TENM3: variants seen among roughly 807,000 people sequenced by gnomAD.
TENM3 encodes the protein teneurin-3.
TENM3 carries 63 observed loss-of-function variants against 255.1 expected under a neutral mutation model. The ratio of observed to expected loss-of-function variants is 0.25; its 90% CI spans 0.20 to 0.30. TENM3 has a LOEUF of 0.30. TENM3 is among the 10% of genes least tolerant of loss of function. The probability of loss-of-function intolerance (pLI) is 1.00; values close to 1 mark genes in which losing one functional copy is unlikely to be tolerated. For missense variants in TENM3, 2,929 were observed against 3,461.1 expected (o/e 0.85, Z 3.86); for synonymous variants, 1,306 against 1,322.3 (o/e 0.99, Z 0.27).
At chr4:181,781,314 G>C in the TENM3 span, among the ~76,000 whole-genome samples, 1 of 152,110 alleles carries the variant, frequency 6.6e-6, no homozygotes, top group African/African-American at 2.4e-5. Context: ...GTGGTTTGTA[G>C]TTCTCCTTGA....
Position 182,754,056 on chromosome 4 carries a change from C to T in TENM3, c.4018-329C>T, listed in dbSNP as rs1161821875. Among the ~76,000 whole-genome samples the T allele has an allele frequency of 6.6e-6, 1 of 152,114 alleles. No individual in the cohort carries two copies. Among genetic ancestry groups the T allele is most frequent in the Non-Finnish European group, 1.5e-5 (1 of 68,024 alleles). On this transcript the variant is annotated intron_variant, in intron 21 of 27. Transcript: ENST00000511685. The surrounding 1 kb of genome is among the most constrained non-coding windows in gnomAD (Gnocchi z 5.1). ...CTAATCTATTCATAACCTAGAAAGC[C>T]CCAACATTTGGTGGTTATTGCTGCC...
chr4:182,773,931 T>C (rs763089373), intron 23 of TENM3: 11 of 245,492 alleles, frequency 4.5e-5, no homozygotes, highest in Non-Finnish European at 7.0e-5. Context: ...CAGGCGATTT[T>C]TGCATCACCT....
the TENM3 span, among the ~76,000 whole-genome samples, chr4:181,568,926 A>G: frequency 0.18 from 27,354 of 152,094 alleles, 2,888 homozygotes; most frequent in African/African-American, 0.31. Flanking sequence ...GGTAGGGATT[A>G]TTGTCTGTTC....
chr4:182,800,246 G>A lies in TENM3; in HGVS notation c.7995G>A (p.Gln2665=), dbSNP rs1172299680. The A allele has an allele frequency of 6.3e-7, 1 of 1,593,776 alleles. No homozygotes were observed. Among genetic ancestry groups the A allele is most frequent in the South Asian group, 1.1e-5 (1 of 90,178 alleles). ...KRQLLSAGKV[Q]GYDGYYVLSV... ...AGCTGCTGAGCGCCGGCAAGGTGCA[G>A]GGCTACGACGGGTACTACGTACTCT... The change falls in exon 28 of 28, where the codon CAG becomes CAA. Residue 2665 remains glutamine (Q), a synonymous_variant. Coordinates refer to ENST00000511685, the MANE Select transcript of TENM3 (RefSeq NM_001080477.4).
chr4:181,959,380 C>A, the TENM3 span, among the ~76,000 whole-genome samples: 1 of 152,152 alleles, frequency 6.6e-6, no homozygotes, highest in Non-Finnish European at 1.5e-5. Flanking sequence ...AACCACGTAG[C>A]TCCAGTGTCT....
intron 3 of TENM3, among the ~76,000 whole-genome samples, chr4:182,579,438 T>G (rs1379975434): frequency 6.6e-6 from 1 of 152,016 alleles, no homozygotes; most frequent in African/African-American, 2.4e-5. Context: ...GATCAAAGAA[T>G]CAAAGAGCAA....
At chr4:182,715,770 C>G (rs1385052944) in intron 13 of TENM3, among the ~76,000 whole-genome samples, 1 of 152,160 alleles carries the variant, frequency 6.6e-6, no homozygotes, top group Non-Finnish European at 1.5e-5. Flanking sequence ...CACACACACA[C>G]AGAGACACAC....
At chr4:182,125,840 A>C in the TENM3 span, among the ~76,000 whole-genome samples, 2 of 152,066 alleles carry the variant, frequency 1.3e-5, no homozygotes, top group Non-Finnish European at 2.9e-5. Flanking sequence ...CATAGGGGCC[A>C]AAAATAAATG....
intron 1 of TENM3, among the ~76,000 whole-genome samples, chr4:182,297,745 G>A (rs923346694): frequency 2.6e-5 from 4 of 152,226 alleles, no homozygotes; most frequent in African/African-American, 9.6e-5. Flanking sequence ...GTTATTTATT[G>A]TGTGATACAA....
chr4:182,510,817 C>A (rs1340198326), intron 3 of TENM3, among the ~76,000 whole-genome samples: 2 of 152,122 alleles, frequency 1.3e-5, no homozygotes, highest in Non-Finnish European at 2.9e-5. Flanking sequence ...CACATCAAAT[C>A]CTTATTAGGA....
chr4:181,742,957 G>A, the TENM3 span, among the ~76,000 whole-genome samples: 7 of 151,722 alleles, frequency 4.6e-5, no homozygotes, highest in South Asian at 1.0e-3. Flanking sequence ...ATAGTTTACT[G>A]AGAATGATGA....
chr4:182,253,717 T>G (rs749176642), intron 1 of TENM3, among the ~76,000 whole-genome samples: 1 of 152,228 alleles, frequency 6.6e-6, no homozygotes, highest in Non-Finnish European at 1.5e-5. Context: ...CTTTTTAAAT[T>G]GAAGCAAACT....
At chr4:182,291,174 C>T (rs188573379) in intron 1 of TENM3, among the ~76,000 whole-genome samples, 2 of 152,140 alleles carry the variant, frequency 1.3e-5, no homozygotes, top group African/African-American at 4.8e-5. Context: ...TGATATGAAG[C>T]AAGTGCAGGA....
At chr4:181,705,347 G>C in the TENM3 span, among the ~76,000 whole-genome samples, 1 of 152,322 alleles carries the variant, frequency 6.6e-6, no homozygotes, top group African/African-American at 2.4e-5. Context: ...TTTGGGGGAA[G>C]TCTGACATCT....
chr4:182,044,921 T>G, the TENM3 span, among the ~76,000 whole-genome samples: 2 of 152,140 alleles, frequency 1.3e-5, no homozygotes, highest in Non-Finnish European at 2.9e-5. Context: ...AGCAAAGAAG[T>G]GGACGAGATG....
chr4:182,391,510 C>T (rs1278932913), intron 3 of TENM3, among the ~76,000 whole-genome samples: 7 of 152,278 alleles, frequency 4.6e-5, no homozygotes, highest in African/African-American at 1.2e-4. Context: ...CACAGGCACA[C>T]GGCTGTTAGA....
the TENM3 span, among the ~76,000 whole-genome samples, chr4:181,571,119 G>C: frequency 1.3e-5 from 2 of 152,144 alleles, no homozygotes. Flanking sequence ...AAAGGAAGTA[G>C]CCGGTGCTGT....
chr4:182,718,233 G>C (rs180877536), intron 13 of TENM3, among the ~76,000 whole-genome samples: 2 of 151,752 alleles, frequency 1.3e-5, no homozygotes, highest in African/African-American at 2.4e-5. Flanking sequence ...TTGCACCCAG[G>C]TGTTCAAATG....
the TENM3 span, among the ~76,000 whole-genome samples, chr4:181,780,566 T>A: frequency 6.6e-6 from 1 of 152,276 alleles, no homozygotes; most frequent in East Asian, 1.9e-4. Flanking sequence ...ATCGCAAAAA[T>A]TTTCTCCCAT....
Sources: allele counts gnomAD v4.1 joint callset (sites outside exome capture counted in the v4.1 genomes callset), GRCh38; gene constraint gnomAD v4.1.1; non-coding constraint Gnocchi (gnomAD v3.1); transcripts MANE v1.5; gene names NCBI Gene and HGNC (gene_info 2026-07-23, HGNC 2026-07-21).